The following MIEF2 variants were observed in gnomAD, a reference collection of about 807,000 sequenced individuals.
MIEF2 encodes the protein mitochondrial elongation factor 2, also known as mitochondrial dynamics protein MID49.
A neutral mutation model predicts 7.4 loss-of-function variants in MIEF2; 1 was observed. That is an observed-to-expected ratio of 0.14 (90% CI 0.05 to 0.64). MIEF2 has a LOEUF of 0.64. Among genes scored for constraint, MIEF2 ranks in the 30% least tolerant of loss-of-function variants. MIEF2 has a pLI of 0.85. For missense variants in MIEF2, 569 were observed against 623.9 expected (o/e 0.91, Z 0.94); for synonymous variants, 275 against 290.5 (o/e 0.95, Z 0.54).
chr17:18,264,678 C>G lies in MIEF2; in HGVS notation c.1279C>G (p.Leu427Val). The G allele has an allele frequency of 6.2e-7, 1 of 1,612,854 alleles. No individual in the cohort carries two copies. Among genetic ancestry groups the G allele is most frequent in the Non-Finnish European group, 8.5e-7 (1 of 1,180,026 alleles). ...LPCHFNPSVN[L>V]FSSLREEEID... ...CTGCCACTTCAACCCCAGCGTGAACCTCTTCAGCAGCTTGCGTGAGGAGGA... is the reference window on the plus strand; with the variant it reads ...CTGCCACTTCAACCCCAGCGTGAACGTCTTCAGCAGCTTGCGTGAGGAGGA... The change falls in exon 4 of 4, where the codon CTC becomes GTC. Residue 427 changes from leucine to valine, a missense_variant. Leu to Val is a conservative substitution (Grantham distance 32). Coordinates refer to ENST00000323019, the MANE Select transcript of MIEF2 (RefSeq NM_139162.4).
chr17:18,263,940 C>A lies in MIEF2; in HGVS notation c.541C>A (p.Pro181Thr). Residue 181 changes from proline (P) to threonine (T), a missense_variant, in exon 4 of 4, where the codon CCG becomes ACG. Physicochemically the swap from Pro to Thr is conservative, Grantham distance 38. Coordinates refer to ENST00000323019, the MANE Select transcript of MIEF2 (RefSeq NM_139162.4). ...CTTTGGGGCATTCGTGCCTGGGGGGCCGCTCTACGACGGGCTGCAGGCGGG... is the reference window on the plus strand; with the variant it reads ...CTTTGGGGCATTCGTGCCTGGGGGGACGCTCTACGACGGGCTGCAGGCGGG... ...LPFGAFVPGG[P>T]LYDGLQAGAA... 1 of 1,593,434 alleles carries A rather than the reference C, an allele frequency of 6.3e-7. No homozygotes were observed. The highest frequency in any genetic ancestry group is 8.5e-7 in the Non-Finnish European group (1 of 1,174,076).
intron 3 of MIEF2, 179 bp from the exon 4 acceptor site, chr17:18,263,531 C>G: frequency 4.3e-6 from 4 of 920,432 alleles, no homozygotes; most frequent in Non-Finnish European, 6.5e-6. Context: ...GACTCTGGGG[C>G]AATGAGAACT....
rs777592223 is a variant in MIEF2, at chr17:18,263,089, A to G, written c.151A>G (p.Ile51Val). ...GIATLAVKRFIDRATSPRDED... is the reference protein window; with the variant it reads ...GIATLAVKRFVDRATSPRDED... ...ATCTGTGTGACTGTGCTTGCAGTTC[A>G]TTGACAGGGCCACTAGCCCGCGGGA... The change falls in exon 3 of 4, where the codon ATT (isoleucine) becomes GTT (valine). Residue 51 changes from isoleucine to valine, a missense_variant. Coordinates refer to ENST00000323019, the MANE Select transcript of MIEF2 (RefSeq NM_139162.4). 30 of 1,612,952 alleles carry G rather than the reference A, an allele frequency of 1.9e-5. No homozygotes were observed. The highest frequency in any genetic ancestry group is 2.3e-5 in the Non-Finnish European group (27 of 1,179,750).
Position 18,265,917 on chromosome 17 carries a change from T to C in MIEF2, c.*1153T>C, listed in dbSNP as rs1210958343. On this transcript the variant is annotated 3_prime_UTR_variant, in exon 4 of 4. Coordinates refer to ENST00000323019, the MANE Select transcript of MIEF2 (RefSeq NM_139162.4). ...AGGTGGTAGAGTTTACTTTAAAAAG[T>C]AGCATCTTGGCCGGGTGTGGTGGCT... 6.6e-6 allele frequency: 1 copy of C among 152,208 alleles called. No individual in the cohort carries two copies. The highest frequency in any genetic ancestry group is 2.4e-5 in the African/African-American group (1 of 41,444). 9.4% of individuals were successfully genotyped at this position (152,208 alleles called of 1,614,324 possible).
Position 18,264,939 on chromosome 17 carries a change from G to A in MIEF2, c.*175G>A, listed in dbSNP as rs1978668857. The stretch of plus-strand genomic sequence containing the variant: ...GGGCTATGGTGGCCATAAACCCTGA[G>A]CCCAGAGAGCTTGGGTCACTGTCAC... On this transcript the variant is annotated 3_prime_UTR_variant, in exon 4 of 4. Transcript: ENST00000323019. The A allele has an allele frequency of 3.3e-6, 4 of 1,214,936 alleles. No individual in the cohort carries two copies. The highest frequency in any genetic ancestry group is 3.4e-5 in the South Asian group (2 of 59,170). 75.3% of individuals were successfully genotyped at this position (1,214,936 alleles called of 1,614,324 possible).
chr17:18,264,463 G>GGCT lies in MIEF2; in HGVS notation c.1078_1080dup (p.Leu360dup), dbSNP rs751965961. 24 of 1,603,150 alleles carry GGCT rather than the reference G, an allele frequency of 1.5e-5. No individual in the cohort carries two copies. Among genetic ancestry groups the GGCT allele is most frequent in the South Asian group, 5.5e-5 (5 of 91,072 alleles). Reference sequence around the variant, plus strand: ...GACCATGACGCTGGGACTCGCCGGCGGCTGCTGCTGCTGCTGTGTGCTGTC... The same window carrying GGCT: ...GACCATGACGCTGGGACTCGCCGGCGGCTGCTGCTGCTGCTGCTGTGTGCTGTC... On this transcript the variant is annotated inframe_insertion, in exon 4 of 4. Transcript: ENST00000323019.
At position 18,263,903 on chromosome 17, in the gene MIEF2, C is replaced by T; in HGVS notation, c.504C>T (p.Phe168=). The T allele has an allele frequency of 6.2e-7, 1 of 1,601,436 alleles. No individual in the cohort carries two copies. Among genetic ancestry groups the T allele is most frequent in the East Asian group, 2.2e-5 (1 of 44,852 alleles). The part of the protein sequence containing the change: ...LELQAYFRSK[F]PELPFGAFVP... ...TGCAGGCCTACTTTCGGAGCAAGTT[C>T]CCGGAACTGCCCTTTGGGGCATTCG... The change falls in exon 4 of 4, where the codon TTC becomes TTT. Residue 168 remains phenylalanine, a synonymous_variant. Coordinates refer to ENST00000323019, the MANE Select transcript of MIEF2 (RefSeq NM_139162.4).
intron 1 of MIEF2, chr17:18,261,157 G>A: frequency 6.4e-7 from 1 of 1,551,614 alleles, no homozygotes; most frequent in Middle Eastern, 1.7e-4. Flanking sequence ...TCCCAATTTA[G>A]ACAGGTTGGG....
At position 18,265,793 on chromosome 17, in the gene MIEF2, T is replaced by A. The variant is rs1391706819; in HGVS notation, c.*1029T>A. ...TAATGTATATATAACTCAGGCTGGA[T>A]AAGGGAGTCTTGGTGCTTTCATACG... On this transcript the variant is annotated 3_prime_UTR_variant, in exon 4 of 4. Coordinates refer to ENST00000323019, the MANE Select transcript of MIEF2 (RefSeq NM_139162.4). 1 of 152,510 alleles carries A rather than the reference T, an allele frequency of 6.6e-6. No individual in the cohort carries two copies. The highest frequency in any genetic ancestry group is 1.9e-4 in the East Asian group (1 of 5,204). 9.4% of individuals were successfully genotyped at this position (152,510 alleles called of 1,614,324 possible).
rs141975244 is a variant in MIEF2, at chr17:18,264,214, G to A, written c.815G>A (p.Gly272Asp). ...GCTTCTGTCAACTGGCCGGCCATTG[G>A]CAGCCTTCTCGGGTGCCTGATCCGG... is the stretch of plus-strand genomic sequence containing the variant. ...LAASVNWPAI[G>D]SLLGCLIRPS... The change falls in exon 4 of 4, where the codon GGC (glycine) becomes GAC (aspartate). Residue 272 changes from glycine to aspartate, a missense_variant. By Grantham distance (94) the Gly-to-Asp change is moderately conservative. Coordinates refer to ENST00000323019, the MANE Select transcript of MIEF2 (RefSeq NM_139162.4). 214 of 1,601,496 alleles carry A rather than the reference G, an allele frequency of 1.3e-4. 1 individual carries two copies. Among genetic ancestry groups the A allele is most frequent in the African/African-American group, 7.7e-4 (58 of 75,032 alleles).
In MIEF2 at chr17:18,264,123, C is replaced by T. The variant is rs772916959; in HGVS notation, c.724C>T (p.Arg242Cys). 19 of 1,555,852 alleles carry T rather than the reference C, an allele frequency of 1.2e-5. No individual in the cohort carries two copies. Among genetic ancestry groups the T allele is most frequent in the Middle Eastern group, 1.8e-4 (1 of 5,488 alleles). Reference protein sequence around the residue: ...FCPRGSSPWDRFLVGGYLSSR... With the variant: ...FCPRGSSPWDCFLVGGYLSSR... ...CCCCCGTGGGAGCAGCCCCTGGGAC[C>T]GCTTCCTGGTCGGGGGCTACCTCTC... The change falls in exon 4 of 4, where the codon CGC (arginine) becomes TGC (cysteine). Residue 242 changes from arginine to cysteine, a missense_variant. Physicochemically the swap from Arg to Cys is radical, Grantham distance 180. Coordinates refer to ENST00000323019, the MANE Select transcript of MIEF2 (RefSeq NM_139162.4).
chr17:18,264,293 G>A lies in MIEF2; in HGVS notation c.894G>A (p.Glu298=). The A allele has an allele frequency of 6.2e-7, 1 of 1,607,354 alleles. No homozygotes were observed. Reference sequence around the variant, plus strand: ...TCGAGGTGCAGCACGAACGCCTGGAGCTCACTGTGGCTGTGCTTGTGGCAG... The same window carrying A: ...TCGAGGTGCAGCACGAACGCCTGGAACTCACTGTGGCTGTGCTTGTGGCAG... ...LLLEVQHERL[E]LTVAVLVAVP... Residue 298 remains glutamate, a synonymous_variant, in exon 4 of 4, where the codon GAG becomes GAA. Transcript: ENST00000323019.
Position 18,264,584 on chromosome 17 carries a change from G to A in MIEF2, c.1185G>A (p.Glu395=), listed in dbSNP as rs765865714. ...AGGACAACGTGGATTGGACGGAGGAGGCCTTGGGTGAGCGCTTCCTGCAAG... is the reference window on the plus strand; with the variant it reads ...AGGACAACGTGGATTGGACGGAGGAAGCCTTGGGTGAGCGCTTCCTGCAAG... ...LGEDNVDWTE[E]ALGERFLQAL... The change falls in exon 4 of 4, where the codon GAG becomes GAA. Residue 395 remains glutamate (E), a synonymous_variant. Transcript: ENST00000323019. 30 of 1,610,898 alleles carry A rather than the reference G, an allele frequency of 1.9e-5. No individual in the cohort carries two copies. Among genetic ancestry groups the A allele is most frequent in the African/African-American group, 9.3e-5 (7 of 74,936 alleles).
At chr17:18,262,620 C>T (rs1978470636) in intron 1 of MIEF2, 94 bp from the exon 2 acceptor site, 2 of 1,230,276 alleles carry the variant, frequency 1.6e-6, no homozygotes, top group Admixed American at 3.2e-5. Flanking sequence ...TGTTACCCAG[C>T]ATAAGGACAG....
chr17:18,264,167 G>C lies in MIEF2; in HGVS notation c.768G>C (p.Glu256Asp), dbSNP rs1357730093. ...ACCTCTCCTCCCGCGTCCTGCTGGA[G>C]CTACTCCGCAAGGCGCTGGCTGCTT... Reference protein sequence around the residue: ...GGYLSSRVLLELLRKALAASV... With the variant: ...GGYLSSRVLLDLLRKALAASV... Residue 256 changes from glutamate (E) to aspartate (D), a missense_variant, in exon 4 of 4, where the codon GAG becomes GAC. Coordinates refer to ENST00000323019, the MANE Select transcript of MIEF2 (RefSeq NM_139162.4). 1 of 1,586,698 alleles carries C rather than the reference G, an allele frequency of 6.3e-7. No homozygotes were observed.
At chr17:18,262,086 C>T (rs1978446011) in intron 1 of MIEF2, among the ~76,000 whole-genome samples, 1 of 152,230 alleles carries the variant, frequency 6.6e-6, no homozygotes, top group South Asian at 2.1e-4. Flanking sequence ...ACTTTGGGCT[C>T]TTCTGAAGAG....
chr17:18,263,637 G>A, intron 3 of MIEF2, 73 bp from the exon 4 acceptor site: 1 of 1,464,934 alleles, frequency 6.8e-7, no homozygotes, highest in Admixed American at 2.6e-5. Flanking sequence ...ACATCACACA[G>A]CTAGTTCTCG....
chr17:18,263,986 T>C lies in MIEF2; in HGVS notation c.587T>C (p.Leu196Pro). The change falls in exon 4 of 4, where the codon CTC becomes CCC. Residue 196 changes from leucine (L) to proline (P), a missense_variant. Leu to Pro is a moderately conservative substitution (Grantham distance 98, BLOSUM62 -3). Transcript: ENST00000323019. ...LQAGAADHVR[L>P]LVPLVLEPGL... The stretch of plus-strand genomic sequence containing the variant: ...GCGGGGGCTGCGGACCATGTGCGTC[T>C]CCTGGTGCCACTGGTGCTGGAGCCG... The C allele has an allele frequency of 6.4e-7, 1 of 1,571,910 alleles. No homozygotes were observed.
rs976634094 is a variant in MIEF2, at chr17:18,264,251, C to T, written c.852C>T (p.Ala284=). 6.2e-7 allele frequency: 1 copy of T among 1,605,020 alleles called. No homozygotes were observed. The highest frequency in any genetic ancestry group is 8.5e-7 in the Non-Finnish European group (1 of 1,179,772). Reference sequence around the variant, plus strand: ...GGTGCCTGATCCGGCCCAGCATGGCCTCGGAGGAGCTGCTGCTCGAGGTGC... The same window carrying T: ...GGTGCCTGATCCGGCCCAGCATGGCTTCGGAGGAGCTGCTGCTCGAGGTGC... The part of the protein sequence containing the change: ...LLGCLIRPSM[A]SEELLLEVQH... Residue 284 remains alanine, a synonymous_variant, in exon 4 of 4, where the codon GCC becomes GCT. Coordinates refer to ENST00000323019, the MANE Select transcript of MIEF2 (RefSeq NM_139162.4).
Sources: allele counts gnomAD v4.1 joint callset (sites outside exome capture counted in the v4.1 genomes callset), GRCh38; gene constraint gnomAD v4.1.1; transcripts MANE v1.5; gene names NCBI Gene and HGNC (gene_info 2026-07-23, HGNC 2026-07-21).